Variants in TAFA2 observed in about 807,000 individuals in gnomAD.
TAFA2 encodes the protein TAFA chemokine like family member 2.
A neutral mutation model predicts 18.8 loss-of-function variants in TAFA2; 7 were observed. The observed-to-expected ratio is 0.37, with a 90% CI of 0.21 to 0.70. The LOEUF (loss-of-function observed/expected upper bound fraction) is 0.70, where lower values mean the gene tolerates loss of function less well. Among genes scored for constraint, TAFA2 ranks in the 30% least tolerant of loss-of-function variants. The pLI is 0.53. For missense variants in TAFA2, 122 were observed against 158.1 expected, an observed-to-expected ratio of 0.77 and a Z score of 1.23; for synonymous variants, 60 against 54.2, an observed-to-expected ratio of 1.11 and a Z score of -0.47.
At chr12:61,866,068 TA>T (rs2121215995) in intron 2 of TAFA2, among the ~76,000 whole-genome samples, 1 of 152,288 alleles carries the variant, frequency 6.6e-6, no homozygotes, top group East Asian at 1.9e-4. Context: ...ATAAAAATAT[TA>T]AAGAGAATTT....
At position 62,242,412 on chromosome 12, in the gene TAFA2, A is replaced by G. The variant is rs1409648347; in HGVS notation, c.-130+16351T>C. 2.6e-5 allele frequency: 4 copies of G among 152,208 alleles called. No homozygotes were observed. In the East Asian group the frequency reaches 7.7e-4, roughly 29 times the overall value. 9.4% of individuals were successfully genotyped at this position (152,208 alleles called of 1,614,324 possible). On this transcript the variant is annotated intron_variant, in intron 1 of 5. Transcript: ENST00000551619. ...AGCAGTGATAGATATTTGCATAGCCATAAGATGCAGACACAGAATAGAGAT... is the reference window on the plus strand; with the variant it reads ...AGCAGTGATAGATATTTGCATAGCCGTAAGATGCAGACACAGAATAGAGAT...
intron 1 of TAFA2, among the ~76,000 whole-genome samples, chr12:62,165,937 TCTCACA>T (rs1279906123): frequency 1.5e-4 from 17 of 115,254 alleles, no homozygotes; most frequent in South Asian, 3.0e-4. Context: ...TCTCTCTCTC[TCTCACA>T]CACACACACA....
At position 62,201,899 on chromosome 12, in the gene TAFA2, T is replaced by C. The variant is rs138899554; in HGVS notation, c.-130+56864A>G. Among the ~76,000 whole-genome samples, 44 of 152,354 alleles carry C rather than the reference T, an allele frequency of 2.9e-4. No individual in the cohort carries two copies. In the East Asian group the frequency reaches 8.5e-3, roughly 29 times the overall value. Reference sequence around the variant, plus strand: ...TTTTTTTGGTTGGTAGGCTATTTATTATTGCCTCAATTTCATAACCTTTTA... The same window carrying C: ...TTTTTTTGGTTGGTAGGCTATTTATCATTGCCTCAATTTCATAACCTTTTA... On this transcript the variant is annotated intron_variant, in intron 1 of 5. Coordinates refer to the TAFA2 transcript ENST00000551619.
chr12:61,774,919 A>G (rs868850754), intron 2 of TAFA2, among the ~76,000 whole-genome samples: 1 of 151,902 alleles, frequency 6.6e-6, no homozygotes, highest in Non-Finnish European at 1.5e-5. Flanking sequence ...TGTAAAAGAT[A>G]TATCTGAAAA....
intron 1 of TAFA2, among the ~76,000 whole-genome samples, chr12:61,978,774 C>A (rs1879526204): frequency 6.6e-6 from 1 of 152,066 alleles, no homozygotes; most frequent in Admixed American, 6.6e-5. Flanking sequence ...GGCTCAAAGT[C>A]CCACCAGTGA....
At chr12:62,049,081 C>G (rs1408389782) in intron 1 of TAFA2, among the ~76,000 whole-genome samples, 1 of 152,068 alleles carries the variant, frequency 6.6e-6, no homozygotes, top group African/African-American at 2.4e-5. Context: ...TTTGATAAGT[C>G]TCATTAGGTG....
At chr12:61,844,602 C>A (rs1873325907) in intron 2 of TAFA2, among the ~76,000 whole-genome samples, 1 of 152,008 alleles carries the variant, frequency 6.6e-6, no homozygotes, top group Non-Finnish European at 1.5e-5. Context: ...CCATTATGAT[C>A]TAATTTGAAA....
chr12:61,925,802 A>G (rs1421079930), intron 1 of TAFA2, among the ~76,000 whole-genome samples: 1 of 152,222 alleles, frequency 6.6e-6, no homozygotes, highest in African/African-American at 2.4e-5. Flanking sequence ...CTAGAGAAGA[A>G]GAGCAAACGA....
chr12:61,815,995 G>A (rs796670875), intron 2 of TAFA2, among the ~76,000 whole-genome samples: 2 of 151,246 alleles, frequency 1.3e-5, no homozygotes, highest in Admixed American at 6.6e-5. Context: ...AAAAAAGATG[G>A]TGTGGGTCTC....
At chr12:61,751,905 C>G (rs963387044) in intron 4 of TAFA2, among the ~76,000 whole-genome samples, 7 of 151,720 alleles carry the variant, frequency 4.6e-5, no homozygotes, top group Non-Finnish European at 8.8e-5. Flanking sequence ...TGGTCTTGAC[C>G]TTTTCATTTC....
chr12:62,128,260 T>A (rs985865053), intron 1 of TAFA2, among the ~76,000 whole-genome samples: 2 of 152,042 alleles, frequency 1.3e-5, no homozygotes, highest in Admixed American at 6.6e-5. Flanking sequence ...GTCTATTCGA[T>A]GTTAATCTAT....
At chr12:61,818,530 G>A (rs915109691) in intron 2 of TAFA2, among the ~76,000 whole-genome samples, 3 of 133,530 alleles carry the variant, frequency 2.2e-5, no homozygotes, top group Non-Finnish European at 4.8e-5. Context: ...CACACACTAG[G>A]ATCCTTCAAG....
chr12:62,072,994 C>T (rs748344617), intron 1 of TAFA2, among the ~76,000 whole-genome samples: 12 of 152,198 alleles, frequency 7.9e-5, no homozygotes, highest in Non-Finnish European at 1.5e-4. Context: ...TTCTTGTTCC[C>T]ATCTAAAGCC....
chr12:61,785,006 T>C (rs1870667999), intron 2 of TAFA2, among the ~76,000 whole-genome samples: 1 of 151,526 alleles, frequency 6.6e-6, no homozygotes, highest in Non-Finnish European at 1.5e-5. Context: ...CTATATAATA[T>C]ATTATTGTTA....
intron 1 of TAFA2, among the ~76,000 whole-genome samples, chr12:62,021,228 C>T (rs1369826628): frequency 3.9e-5 from 6 of 152,102 alleles, no homozygotes; most frequent in Admixed American, 1.3e-4. Flanking sequence ...ATGCTTGGGA[C>T]ACATAGCCCA....
At chr12:62,086,756 C>T (rs1001348237) in intron 1 of TAFA2, among the ~76,000 whole-genome samples, 4 of 152,022 alleles carry the variant, frequency 2.6e-5, no homozygotes, top group African/African-American at 7.2e-5. Flanking sequence ...AATAGAATTA[C>T]TATGTGATCC....
chr12:61,949,540 G>A (rs1388097123), intron 1 of TAFA2, among the ~76,000 whole-genome samples: 1 of 152,078 alleles, frequency 6.6e-6, no homozygotes, highest in Non-Finnish European at 1.5e-5. Flanking sequence ...CGGTCAAGTA[G>A]ACAGACACAG....
At chr12:62,117,309 C>A (rs1345287914) in intron 1 of TAFA2, among the ~76,000 whole-genome samples, 12 of 151,882 alleles carry the variant, frequency 7.9e-5, no homozygotes, top group Admixed American at 7.9e-4. Context: ...CTTGCATATG[C>A]CCTCATTATA....
chr12:62,169,868 A>C (rs959122125), intron 1 of TAFA2, among the ~76,000 whole-genome samples: 1 of 151,700 alleles, frequency 6.6e-6, no homozygotes, highest in African/African-American at 2.4e-5. Flanking sequence ...AAAAAAAAAA[A>C]AGAAATGTTT....
Sources: gnomAD v4.1 joint callset for allele counts (sites outside exome capture counted in the v4.1 genomes callset) on GRCh38, gnomAD v4.1.1 for gene constraint, MANE v1.5 for transcripts, NCBI Gene and HGNC (gene_info 2026-07-23, HGNC 2026-07-21) for gene names.